The following RHOA variants were observed in gnomAD, a reference collection of about 807,000 sequenced individuals.
RHOA encodes the protein transforming protein RhoA.
In RHOA, 3 loss-of-function variants were observed where a neutral mutation model predicts 17.5. That is an observed-to-expected ratio of 0.17 (90% confidence interval 0.08 to 0.44). The LOEUF is 0.44. Ranked by LOEUF, RHOA falls within the 20% of genes least tolerant of loss-of-function variation. RHOA has a pLI of 0.99. For missense variants in RHOA, 56 were observed against 242.3 expected, an observed-to-expected ratio of 0.23 and a Z score of 5.10; for synonymous variants, 98 against 88.4, an observed-to-expected ratio of 1.11 and a Z score of -0.61.
intron 2 of RHOA, among the ~76,000 whole-genome samples, chr3:49,368,958 C>T (rs1255360914): frequency 2.7e-5 from 4 of 146,278 alleles, no homozygotes; most frequent in African/African-American, 5.1e-5. Context: ...CCGTCCGCCT[C>T]GGCCTCCCAA....
chr3:49,367,365 A>AAAAAAAAAAAAAAAAAAC (rs2048075889), intron 3 of RHOA, among the ~76,000 whole-genome samples: 3 of 149,778 alleles, frequency 2.0e-5, no homozygotes, highest in Admixed American at 6.8e-5. Flanking sequence ...AAAAAAAAAA[A>AAAAAAAAAAAAAAAAAAC]AGAATACTGA....
At chr3:49,377,278 C>T (rs909877269) in intron 1 of RHOA, among the ~76,000 whole-genome samples, 1 of 150,718 alleles carries the variant, frequency 6.6e-6, no homozygotes, top group African/African-American at 2.4e-5. Flanking sequence ...GAAGGACGGA[C>T]GGAAGCATGA....
intron 1 of RHOA, among the ~76,000 whole-genome samples, chr3:49,380,901 T>C (rs1214228362): frequency 6.7e-6 from 1 of 149,972 alleles, no homozygotes; most frequent in Non-Finnish European, 1.5e-5. Context: ...TTGTGAATTC[T>C]CAGGACAATA....
intron 1 of RHOA, among the ~76,000 whole-genome samples, chr3:49,378,660 G>A (rs2048271323): frequency 6.6e-6 from 1 of 152,278 alleles, no homozygotes; most frequent in East Asian, 1.9e-4. Context: ...ATGCAGTGGT[G>A]CAATATTGGC....
intron 2 of RHOA, among the ~76,000 whole-genome samples, chr3:49,369,213 C>T (rs187331579): frequency 0.011 from 1,651 of 148,664 alleles, 28 homozygotes; most frequent in African/African-American, 0.04. Context: ...TTAGTAGAGA[C>T]GGGGTTTCAC....
At chr3:49,398,666 GAA>G (rs760023392) in intron 1 of RHOA, among the ~76,000 whole-genome samples, 1 of 137,924 alleles carries the variant, frequency 7.3e-6, no homozygotes, top group African/African-American at 2.7e-5. Flanking sequence ...TCTACTAAAA[GAA>G]AAAAAAAAAG....
At chr3:49,411,149 T>G (rs921129806) in intron 1 of RHOA, among the ~76,000 whole-genome samples, 1 of 152,128 alleles carries the variant, frequency 6.6e-6, no homozygotes, top group African/African-American at 2.4e-5. Flanking sequence ...GTGTGTTGTT[T>G]TTTTTTTCCA....
intron 1 of RHOA, among the ~76,000 whole-genome samples, chr3:49,394,045 A>C (rs2048571796): frequency 6.6e-6 from 1 of 151,374 alleles, no homozygotes; most frequent in African/African-American, 2.4e-5. Flanking sequence ...TAATTTTTTT[A>C]TTTTTTATTA....
At chr3:49,381,123 G>A (rs2048310079) in intron 1 of RHOA, among the ~76,000 whole-genome samples, 1 of 152,000 alleles carries the variant, frequency 6.6e-6, no homozygotes, top group African/African-American at 2.4e-5. Context: ...ATGCAGTCAA[G>A]GCTAGGAGTA....
chr3:49,385,228 T>C (rs539169817), intron 1 of RHOA, among the ~76,000 whole-genome samples: 1 of 149,970 alleles, frequency 6.7e-6, no homozygotes, highest in African/African-American at 2.4e-5. Context: ...TACCTTTTTT[T>C]TTTTTTTTCT....
chr3:49,368,316 G>C, intron 3 of RHOA, 112 bp downstream of exon 3: 3 of 1,358,210 alleles, frequency 2.2e-6, no homozygotes, highest in African/African-American at 2.9e-5. Context: ...GGCCACTGAC[G>C]ATGATTGCTT....
chr3:49,398,754 G>A (rs1183940275), intron 1 of RHOA, among the ~76,000 whole-genome samples: 5 of 147,110 alleles, frequency 3.4e-5, no homozygotes, highest in South Asian at 4.3e-4. Flanking sequence ...GCAGGAGAAC[G>A]GCGTGAACCC....
intron 4 of RHOA, among the ~76,000 whole-genome samples, chr3:49,361,624 T>C (rs1202318882): frequency 1.3e-5 from 2 of 152,172 alleles, no homozygotes; most frequent in African/African-American, 4.8e-5. Flanking sequence ...CTCACACCTG[T>C]AATCCCAGCA....
Position 49,405,213 on chromosome 3 carries a change from G to A in RHOA, c.-3+6607C>T, listed in dbSNP as rs558557910. ...GCGGAGGTTGCAGTGAGCCGAGATC[G>A]CGCCACTGCACTCCAGCCTGGGTGA... On this transcript the variant is annotated intron_variant, in intron 1 of 4. Coordinates refer to ENST00000418115, the MANE Select transcript of RHOA (RefSeq NM_001664.4). Among the ~76,000 whole-genome samples, 572 of 140,598 alleles carry A rather than the reference G, an allele frequency of 4.1e-3. 7 individuals are homozygous for A. The highest frequency in any genetic ancestry group is 0.015 in the African/African-American group (545 of 36,874). The allele number at this position is 140,598 out of a possible 152,430, so 92.2% of individuals were successfully genotyped here.
At chr3:49,397,778 G>T (rs1047049107) in intron 1 of RHOA, among the ~76,000 whole-genome samples, 1 of 152,122 alleles carries the variant, frequency 6.6e-6, no homozygotes, top group Non-Finnish European at 1.5e-5. Flanking sequence ...ACCTTAGATA[G>T]AACAATGGAC....
At chr3:49,368,272 G>GC (rs1242083307) in intron 3 of RHOA, among the ~76,000 whole-genome samples, 156 bp downstream of exon 3, 2 of 152,132 alleles carry the variant, frequency 1.3e-5, no homozygotes, top group South Asian at 4.2e-4. Flanking sequence ...GGGACCCAAG[G>GC]CCCACGCTCT....
chr3:49,376,644 C>CAAAAAAAA (rs963176937), intron 1 of RHOA, among the ~76,000 whole-genome samples: 1 of 43,846 alleles, frequency 2.3e-5, no homozygotes, highest in African/African-American at 8.2e-5. Flanking sequence ...CTCCATCTCA[C>CAAAAAAAA]AAAAAAAAAA....
chr3:49,409,015 C>G (rs2048887531), intron 1 of RHOA, among the ~76,000 whole-genome samples: 1 of 150,236 alleles, frequency 6.7e-6, no homozygotes, highest in African/African-American at 2.4e-5. Context: ...AGGATGGTCT[C>G]CAGACCTCGT....
chr3:49,381,041 A>G (rs2048308972), intron 1 of RHOA, among the ~76,000 whole-genome samples: 1 of 151,792 alleles, frequency 6.6e-6, no homozygotes, highest in Admixed American at 6.6e-5. Context: ...AGATACTACT[A>G]ATCATGAAAG....
Sources: allele counts gnomAD v4.1 joint callset (sites outside exome capture counted in the v4.1 genomes callset), GRCh38; gene constraint gnomAD v4.1.1; transcripts MANE v1.5; gene names NCBI Gene and HGNC (gene_info 2026-07-23, HGNC 2026-07-21).